Variants in STAT4 observed in about 807,000 individuals in gnomAD.
The protein encoded by STAT4 is signal transducer and activator of transcription 4.
STAT4 carries 42 observed loss-of-function variants against 110.5 expected under a neutral mutation model. The ratio of observed to expected loss-of-function variants is 0.38; its 90% CI spans 0.30 to 0.49. The LOEUF is 0.49. STAT4 is among the 20% of genes least tolerant of loss of function. The probability of loss-of-function intolerance (pLI) is 0.95; values close to 1 mark genes in which losing one functional copy is unlikely to be tolerated. For missense variants in STAT4, 632 were observed against 887.9 expected (o/e 0.71, Z 3.66); for synonymous variants, 284 against 302.2 (o/e 0.94, Z 0.63).
chr2:191,034,063 A>G (rs1695972292), intron 18 of STAT4, 58 bp from the exon 19 acceptor site: 1 of 1,213,332 alleles, frequency 8.2e-7, no homozygotes, highest in Non-Finnish European at 1.2e-6. Context: ...ATGTTGATAT[A>G]ATAATTTAAG....
Sources: gnomAD v4.1 joint callset for allele counts on GRCh38, gnomAD v4.1.1 for gene constraint, MANE v1.5 for transcripts, NCBI Gene and HGNC (gene_info 2026-07-23, HGNC 2026-07-21) for gene names.